LPP: variants seen among roughly 807,000 people sequenced by gnomAD.
LPP encodes lipoma-preferred partner.
In LPP, 38 loss-of-function variants were observed where a neutral mutation model predicts 60.4. That is an observed-to-expected ratio of 0.63 (90% CI 0.49 to 0.83). LPP has a LOEUF of 0.83. Among genes scored for constraint, LPP ranks in the 40% least tolerant of loss-of-function variants. The pLI, the probability that LPP is intolerant of heterozygous loss-of-function variation, is 0.00. For missense variants in LPP, 902 were observed against 783.6 expected (o/e 1.15, Z -1.80); for synonymous variants, 328 against 290.8 (o/e 1.13, Z -1.30).
At chr3:188,838,282 A>C (rs1302259724) in intron 9 of LPP, among the ~76,000 whole-genome samples, 4 of 152,172 alleles carry the variant, frequency 2.6e-5, no homozygotes, top group Admixed American at 2.0e-4. Context: ...ACGGATGAAA[A>C]AAAGATTCTA....
intron 4 of LPP, among the ~76,000 whole-genome samples, chr3:188,416,676 C>G (rs966631470): frequency 3.3e-5 from 5 of 152,140 alleles, no homozygotes; most frequent in African/African-American, 1.2e-4. Context: ...TCAGTGCTTT[C>G]ATTATAGACA....
chr3:188,273,912 T>C (rs1047221324), intron 2 of LPP, among the ~76,000 whole-genome samples: 1 of 152,120 alleles, frequency 6.6e-6, no homozygotes, highest in Non-Finnish European at 1.5e-5. Context: ...TTATATCTTA[T>C]AGTAAAGGAT....
At chr3:188,682,039 TC>T (rs1859648314) in intron 7 of LPP, among the ~76,000 whole-genome samples, 1 of 152,196 alleles carries the variant, frequency 6.6e-6, no homozygotes, top group Non-Finnish European at 1.5e-5. Flanking sequence ...TATTTGATCT[TC>T]ACCATAATCC....
At chr3:188,604,164 C>A (rs1841976324) in intron 6 of LPP, among the ~76,000 whole-genome samples, 1 of 151,938 alleles carries the variant, frequency 6.6e-6, no homozygotes, top group Non-Finnish European at 1.5e-5. Flanking sequence ...ATGAGTGTGA[C>A]TTTCTTTGTC....
In LPP at chr3:188,882,465, A is replaced by C. The variant is rs1294622414; in HGVS notation, c.*7986A>C. ...CCCATCTCTTTATAATTGGAAGAGA[A>C]GATGATCTGCCAAAATATAACCCAG... On this transcript the variant is annotated 3_prime_UTR_variant, in exon 12 of 12. Transcript: ENST00000617246. 4.4e-6 allele frequency: 1 copy of C among 226,756 alleles called. No homozygotes were observed. The highest frequency in any genetic ancestry group is 2.2e-5 in the African/African-American group (1 of 44,998). 14.0% of individuals were successfully genotyped at this position (226,756 alleles called of 1,614,324 possible). A position where few individuals can be genotyped will look rare whatever the true frequency, so the allele number is the denominator to read the frequency against.
intron 4 of LPP, among the ~76,000 whole-genome samples, chr3:188,441,068 T>C (rs1793700818): frequency 6.6e-6 from 1 of 152,040 alleles, no homozygotes; most frequent in Non-Finnish European, 1.5e-5. Context: ...ACATCAGATA[T>C]ATGGATTGAT....
At chr3:188,479,376 T>C (rs1804119055) in intron 4 of LPP, among the ~76,000 whole-genome samples, 1 of 152,182 alleles carries the variant, frequency 6.6e-6, no homozygotes, top group Admixed American at 6.5e-5. Context: ...CCTGAGAGCA[T>C]GTTGGAAATG....
At chr3:188,422,958 T>G in intron 4 of LPP, among the ~76,000 whole-genome samples, 1 of 150,410 alleles carries the variant, frequency 6.6e-6, no homozygotes, top group East Asian at 2.0e-4. Context: ...TGTGTGTGTG[T>G]TTTAATTGTA....
intron 7 of LPP, among the ~76,000 whole-genome samples, chr3:188,639,280 T>C (rs1379678638): frequency 2.2e-4 from 33 of 150,352 alleles, no homozygotes; most frequent in Admixed American, 4.6e-4. Flanking sequence ...ATTCCCTATT[T>C]AATAAATGGT....
At chr3:188,460,387 C>G (rs1350900089) in intron 4 of LPP, among the ~76,000 whole-genome samples, 3 of 152,174 alleles carry the variant, frequency 2.0e-5, no homozygotes, top group Admixed American at 6.5e-5. Context: ...CCTTTGAAGA[C>G]TTTAAATGAC....
intron 4 of LPP, among the ~76,000 whole-genome samples, chr3:188,473,474 A>G (rs775392877): frequency 3.3e-5 from 5 of 152,162 alleles, no homozygotes; most frequent in Non-Finnish European, 7.3e-5. Flanking sequence ...AACCAGCGCT[A>G]TACGCCAGAA....
Position 188,609,427 on chromosome 3 carries a change from T to C in LPP, c.696T>C (p.Pro232=). ...NVQVKSAQPS[P]HYMAAPSSGQ... The stretch of plus-strand genomic sequence containing the variant: ...AGGTGAAGTCAGCCCAGCCCAGCCC[T>C]CATTATATGGCTGCCCCTTCATCAG... The change falls in exon 7 of 12, where the codon CCT becomes CCC. Residue 232 remains proline (P), a synonymous_variant. Coordinates refer to ENST00000617246, the MANE Select transcript of LPP (RefSeq NM_001375462.1). The surrounding 1 kb of genome is among the most constrained non-coding windows in gnomAD (Gnocchi z 6.9). 1 of 1,614,152 alleles carries C rather than the reference T, an allele frequency of 6.2e-7. No individual in the cohort carries two copies. The highest frequency in any genetic ancestry group is 8.5e-7 in the Non-Finnish European group (1 of 1,180,034).
intron 4 of LPP, among the ~76,000 whole-genome samples, chr3:188,462,593 T>TATATAC (rs1799368338): frequency 2.6e-4 from 1 of 3,890 alleles, no homozygotes; most frequent in Non-Finnish European, 5.3e-4. Flanking sequence ...TATGCATGTG[T>TATATAC]GTGTGTGTGT....
At chr3:188,814,276 G>A (rs1163761131) in intron 9 of LPP, among the ~76,000 whole-genome samples, 1 of 152,094 alleles carries the variant, frequency 6.6e-6, no homozygotes, top group Non-Finnish European at 1.5e-5. Flanking sequence ...AAGACAGTAT[G>A]CATTACAAAA....
rs1743670641 is a variant in LPP, at chr3:188,285,653, C to T, written c.-66-56010C>T. On this transcript the variant is annotated intron_variant, in intron 2 of 11. Coordinates refer to ENST00000617246, the MANE Select transcript of LPP (RefSeq NM_001375462.1). ...CTAAGCTCAAGTGGTCAGCCTGACT[C>T]GACCTCCCAAAGTGCTGGGATTACA... 5.9e-5 allele frequency among the ~76,000 whole-genome samples: 9 copies of T among 152,188 alleles called. No homozygotes were observed. The South Asian group carries it at 1.9e-3, about 32-fold the overall frequency.
At chr3:188,809,531 T>A (rs1415960351) in intron 9 of LPP, among the ~76,000 whole-genome samples, 2 of 152,204 alleles carry the variant, frequency 1.3e-5, no homozygotes, top group South Asian at 2.1e-4. Flanking sequence ...ATAAAGTTGT[T>A]TGGTTTTTTC....
intron 2 of LPP, among the ~76,000 whole-genome samples, chr3:188,279,470 C>G (rs2149893193): frequency 6.6e-6 from 1 of 152,330 alleles, no homozygotes; most frequent in Non-Finnish European, 1.5e-5. Flanking sequence ...CATTAGGGGA[C>G]TTGAATTGAG....
At chr3:188,839,543 C>A (rs565710843) in intron 9 of LPP, among the ~76,000 whole-genome samples, 3 of 152,098 alleles carry the variant, frequency 2.0e-5, no homozygotes, top group Non-Finnish European at 4.4e-5. Context: ...AGGGACGGAC[C>A]ATTGGATTGA....
chr3:188,383,789 A>C (rs555093224), intron 3 of LPP, among the ~76,000 whole-genome samples: 2 of 152,280 alleles, frequency 1.3e-5, no homozygotes, highest in South Asian at 4.1e-4. Flanking sequence ...ACATATTCCA[A>C]ATTACTTTGG....
Sources: gnomAD v4.1 joint callset for allele counts (sites outside exome capture counted in the v4.1 genomes callset) on GRCh38, gnomAD v4.1.1 for gene constraint, Gnocchi (gnomAD v3.1) non-coding constraint, MANE v1.5 for transcripts, NCBI Gene and HGNC (gene_info 2026-07-23, HGNC 2026-07-21) for gene names.